SPAG1: variants seen among roughly 807,000 people sequenced by gnomAD.
The protein encoded by SPAG1 is sperm-associated antigen 1.
In SPAG1, 69 loss-of-function variants were observed where a neutral mutation model predicts 100.5. The observed-to-expected ratio is 0.69, with a 90% CI of 0.57 to 0.84. The LOEUF is 0.84. SPAG1 is among the 40% of genes least tolerant of loss of function. The pLI is 0.00. For synonymous variants in SPAG1, 336 were observed against 411.6 expected (o/e 0.82, Z 2.22); for missense variants, 955 against 1,133.1 (o/e 0.84, Z 2.26).
chr8:100,168,994 A>AT lies in SPAG1; in HGVS notation c.300+3030dup, dbSNP rs201275520. On this transcript the variant is annotated intron_variant, in intron 3 of 18. Transcript: ENST00000388798. ...GAGCCACCACGCCCGGCCTCTTTTC[A>AT]TTTTTTTTTAACAGTATCTTTGGAA... 8.0e-5 allele frequency among the ~76,000 whole-genome samples: 12 copies of AT among 149,586 alleles called. No homozygotes were observed. In the East Asian group the frequency reaches 2.0e-3, roughly 24 times the overall value.
chr8:100,210,064 G>A (rs1163586380), intron 10 of SPAG1, among the ~76,000 whole-genome samples: 1 of 151,984 alleles, frequency 6.6e-6, no homozygotes, highest in Non-Finnish European at 1.5e-5. Context: ...GGGCATCCTT[G>A]TCTTGTTGCT....
At chr8:100,206,093 T>C (rs748547095) in intron 10 of SPAG1, among the ~76,000 whole-genome samples, 3 of 145,166 alleles carry the variant, frequency 2.1e-5, no homozygotes, top group Non-Finnish European at 4.5e-5. Context: ...CACATTCCCA[T>C]TCAACTTCCC....
In SPAG1 at chr8:100,184,072, G is replaced by GA. The variant is rs759956148; in HGVS notation, c.595+16dup. On this transcript the variant is annotated intron_variant, in intron 6 of 18. Transcript: ENST00000388798. ...AGAATAGATACAGCAGGTAATTGGA[G>GA]AAAAAATAATAATTTAGTAGTCTTT... 7 of 1,209,692 alleles carry GA rather than the reference G, an allele frequency of 5.8e-6. No homozygotes were observed. The East Asian group carries it at 1.6e-4, about 27-fold the overall frequency. 74.9% of individuals were successfully genotyped at this position (1,209,692 alleles called of 1,614,324 possible). A position where few individuals can be genotyped will look rare whatever the true frequency, so the allele number is the denominator to read the frequency against.
Position 100,187,208 on chromosome 8 carries a change from G to C in SPAG1, c.790G>C (p.Asp264His). The change falls in exon 8 of 19, where the codon GAT becomes CAT. Residue 264 changes from aspartate (D) to histidine (H), a missense_variant. Transcript: ENST00000388798. The stretch of plus-strand genomic sequence containing the variant: ...ACAGAACTGGAATAGTGCTTTTCAG[G>C]ATTGTGAAAAGGTCTTGGAGTTAGA... ...KLQNWNSAFQ[D>H]CEKVLELEPG... is the part of the protein sequence containing the mutation. 6.2e-7 allele frequency: 1 copy of C among 1,612,654 alleles called. No homozygotes were observed. Among genetic ancestry groups the C allele is most frequent in the South Asian group, 1.1e-5 (1 of 90,986 alleles).
At chr8:100,210,867 G>A (rs986244103) in intron 10 of SPAG1, among the ~76,000 whole-genome samples, 4 of 147,816 alleles carry the variant, frequency 2.7e-5, no homozygotes, top group African/African-American at 7.5e-5. Flanking sequence ...TTGCCCTGTC[G>A]CCCAGGGTGG....
chr8:100,228,667 T>G (rs1818626387), intron 14 of SPAG1, among the ~76,000 whole-genome samples: 1 of 151,950 alleles, frequency 6.6e-6, no homozygotes, highest in Non-Finnish European at 1.5e-5. Flanking sequence ...GAGCCGAGAT[T>G]GCACCACTGC....
chr8:100,177,048 C>T (rs1816161638), intron 3 of SPAG1, among the ~76,000 whole-genome samples: 1 of 151,900 alleles, frequency 6.6e-6, no homozygotes, highest in Admixed American at 6.6e-5. Context: ...AGATCTTAAT[C>T]TCTGGCACAT....
In SPAG1 at chr8:100,233,413, C is replaced by T. The variant is rs766941691; in HGVS notation, c.1991C>T (p.Ala664Val). 1.2e-6 allele frequency: 2 copies of T among 1,613,888 alleles called. No individual in the cohort carries two copies. Among genetic ancestry groups the T allele is most frequent in the Non-Finnish European group, 1.7e-6 (2 of 1,179,870 alleles). ...NKECAIYTNR[A>V]LCYLKLCQFE... The stretch of plus-strand genomic sequence containing the variant: ...TGAGTTCCATTGCATTATGCCAGAG[C>T]TCTCTGTTACTTGAAGCTGTGCCAG... Residue 664 changes from alanine (A) to valine (V), a missense_variant and splice_region_variant, in exon 16 of 19, where the codon GCT becomes GTT. Physicochemically the swap from Ala to Val is moderately conservative, Grantham distance 64 (BLOSUM62 0). Coordinates refer to ENST00000388798, the MANE Select transcript of SPAG1 (RefSeq NM_003114.5).
At chr8:100,183,784 T>C (rs1816467643) in intron 5 of SPAG1, among the ~76,000 whole-genome samples, 172 bp from the exon 6 acceptor site, 1 of 152,188 alleles carries the variant, frequency 6.6e-6, no homozygotes, top group Non-Finnish European at 1.5e-5. Context: ...AAGTTCTCAC[T>C]AAATTGTATG....
chr8:100,195,961 T>A (rs2132295565), intron 10 of SPAG1, among the ~76,000 whole-genome samples: 1 of 152,316 alleles, frequency 6.6e-6, no homozygotes, highest in African/African-American at 2.4e-5. Context: ...GAATGTCCTA[T>A]AAATGGAACT....
chr8:100,169,554 C>T (rs1352918288), intron 3 of SPAG1, among the ~76,000 whole-genome samples: 2 of 152,172 alleles, frequency 1.3e-5, no homozygotes, highest in Non-Finnish European at 2.9e-5. Flanking sequence ...GACTGGCCAA[C>T]GTGGCAAAAC....
chr8:100,198,266 A>ATT (rs1313397688), intron 10 of SPAG1, among the ~76,000 whole-genome samples: 2 of 146,336 alleles, frequency 1.4e-5, no homozygotes, highest in African/African-American at 4.9e-5. Context: ...GATTTCCAGG[A>ATT]GTTCAAACAA....
At chr8:100,161,204 A>AGTG (rs1442467550) in intron 1 of SPAG1, among the ~76,000 whole-genome samples, 1 of 152,020 alleles carries the variant, frequency 6.6e-6, no homozygotes, top group East Asian at 1.9e-4. Context: ...ATTAGCTGGG[A>AGTG]GTGGTGGCAC....
Position 100,162,386 on chromosome 8 carries a change from G to A in SPAG1, c.106G>A (p.Val36Ile). 2 of 1,587,460 alleles carry A rather than the reference G, an allele frequency of 1.3e-6. No homozygotes were observed. Among genetic ancestry groups the A allele is most frequent in the Non-Finnish European group, 1.7e-6 (2 of 1,171,964 alleles). ...DFKYIEKCSDVKHLEKILCVL... is the reference protein window; with the variant it reads ...DFKYIEKCSDIKHLEKILCVL... ...CAAATACATTGAAAAATGTTCAGAT[G>A]TTAAACATCTGGAAAAAATTCTTTG... Residue 36 changes from valine to isoleucine, a missense_variant, in exon 2 of 19, where the codon GTT becomes ATT. Coordinates refer to ENST00000388798, the MANE Select transcript of SPAG1 (RefSeq NM_003114.5).
chr8:100,205,622 C>T (rs1238968820), intron 10 of SPAG1, among the ~76,000 whole-genome samples: 1 of 152,136 alleles, frequency 6.6e-6, no homozygotes, highest in Non-Finnish European at 1.5e-5. Context: ...ATGGAAGCCA[C>T]TAGAGCTGCC....
intron 4 of SPAG1, among the ~76,000 whole-genome samples, chr8:100,180,457 A>C (rs1816320047): frequency 1.3e-5 from 2 of 152,216 alleles, no homozygotes; most frequent in Non-Finnish European, 2.9e-5. Context: ...AATAGCCCTT[A>C]AGGGGGATAC....
Position 100,213,818 on chromosome 8 carries a change from G to A in SPAG1, c.1436-1G>A. ...TGTATTTAATTAAATGTGATTTTTA[G>A]GAAGTGAAATTGCAGATGATCTAAG... On this transcript the variant is annotated splice_acceptor_variant, in intron 11 of 18. Transcript: ENST00000388798. LOFTEE classifies it high-confidence loss of function. 1 of 1,525,998 alleles carries A rather than the reference G, an allele frequency of 6.6e-7. No homozygotes were observed. Among genetic ancestry groups the A allele is most frequent in the South Asian group, 1.2e-5 (1 of 86,146 alleles). The allele number at this position is 1,525,998 out of a possible 1,614,324, so 94.5% of individuals were successfully genotyped here.
chr8:100,186,687 C>T (rs901226717), intron 7 of SPAG1, among the ~76,000 whole-genome samples: 2 of 152,034 alleles, frequency 1.3e-5, no homozygotes, highest in African/African-American at 2.4e-5. Context: ...ACAGACTGAG[C>T]GGCTTAAACG....
chr8:100,232,417 C>T (rs1302249127), intron 15 of SPAG1, among the ~76,000 whole-genome samples: 1 of 152,168 alleles, frequency 6.6e-6, no homozygotes, highest in Non-Finnish European at 1.5e-5. Flanking sequence ...CACCACCTTA[C>T]AATGATGTCT....
Sources: allele counts gnomAD v4.1 joint callset (sites outside exome capture counted in the v4.1 genomes callset), GRCh38; gene constraint gnomAD v4.1.1; transcripts MANE v1.5; gene names NCBI Gene and HGNC (gene_info 2026-07-23, HGNC 2026-07-21).